Variants in WWOX observed in about 807,000 individuals in gnomAD.
The protein encoded by WWOX is WW domain-containing oxidoreductase.
WWOX carries 69 observed loss-of-function variants against 46.2 expected under a neutral mutation model. The ratio of observed to expected loss-of-function variants is 1.49; its 90% CI spans 1.23 to 1.82. The LOEUF (loss-of-function observed/expected upper bound fraction) is 1.82, where lower values mean the gene tolerates loss of function less well. Ranked by LOEUF, WWOX falls within the 40% of genes most tolerant of loss-of-function variation. The pLI is 0.00. For missense variants in WWOX, 919 were observed against 542.6 expected, an observed-to-expected ratio of 1.69 and a Z score of -6.89; for synonymous variants, 359 against 202.6, an observed-to-expected ratio of 1.77 and a Z score of -6.56.
At chr16:78,636,389 C>A (rs565990406) in intron 8 of WWOX, among the ~76,000 whole-genome samples, 1 of 152,258 alleles carries the variant, frequency 6.6e-6, no homozygotes, top group South Asian at 2.1e-4. Context: ...ATCAGACTTT[C>A]AGTGTTAAAG....
At chr16:78,949,412 C>G (rs567621930) in intron 8 of WWOX, among the ~76,000 whole-genome samples, 9 of 152,324 alleles carry the variant, frequency 5.9e-5, no homozygotes, top group African/African-American at 1.7e-4. Flanking sequence ...CTCAGCTCAT[C>G]TAGCATGTTT....
intron 8 of WWOX, among the ~76,000 whole-genome samples, chr16:79,148,643 A>G (rs9921687): frequency 0.026 from 4,019 of 152,260 alleles, 199 homozygotes; most frequent in African/African-American, 0.092. Flanking sequence ...TAGGTCTAAC[A>G]TTAAACCTAT....
chr16:79,120,322 C>T (rs746593509), intron 8 of WWOX, among the ~76,000 whole-genome samples: 6 of 152,158 alleles, frequency 3.9e-5, no homozygotes, highest in South Asian at 2.1e-4. Flanking sequence ...CTATTGCTGT[C>T]AGGCGCATTT....
At position 79,124,266 on chromosome 16, in the gene WWOX, G is replaced by A. The variant is rs139890034; in HGVS notation, c.1057-87342G>A. Among the ~76,000 whole-genome samples the A allele has an allele frequency of 1.9e-3, 295 of 152,176 alleles. 2 individuals are homozygous for A. Among genetic ancestry groups the A allele is most frequent in the African/African-American group, 6.8e-3 (283 of 41,508 alleles). On this transcript the variant is annotated intron_variant, in intron 8 of 8. Coordinates refer to ENST00000566780, the MANE Select transcript of WWOX (RefSeq NM_016373.4). ...ACTGGTCAAACGGTGCAGAGCGCTC[G>A]GCAAATGGTCTTAAAAGCATCCGCG...
At chr16:79,039,576 G>C (rs771268511) in intron 8 of WWOX, among the ~76,000 whole-genome samples, 1 of 152,186 alleles carries the variant, frequency 6.6e-6, no homozygotes, top group South Asian at 2.1e-4. Flanking sequence ...CATTGTCACT[G>C]TTGCCAGATG....
chr16:79,030,178 A>G (rs1029304555), intron 8 of WWOX, among the ~76,000 whole-genome samples: 1 of 152,188 alleles, frequency 6.6e-6, no homozygotes, highest in Non-Finnish European at 1.5e-5. Context: ...TATCATAGCC[A>G]TTGGTTAAAA....
intron 8 of WWOX, among the ~76,000 whole-genome samples, chr16:78,527,954 G>C (rs2043517634): frequency 1.4e-5 from 2 of 144,170 alleles, no homozygotes; most frequent in Admixed American, 1.4e-4. Context: ...ATTGTGCAAA[G>C]ATTCAAGGTG....
At chr16:78,837,495 CT>C (rs1168816434) in intron 8 of WWOX, among the ~76,000 whole-genome samples, 10 of 152,158 alleles carry the variant, frequency 6.6e-5, no homozygotes, top group African/African-American at 2.4e-4. Flanking sequence ...GTTCAAAGGC[CT>C]TTGACATCAC....
intron 8 of WWOX, among the ~76,000 whole-genome samples, chr16:78,588,962 G>C (rs1474080646): frequency 6.6e-6 from 1 of 152,156 alleles, no homozygotes; most frequent in African/African-American, 2.4e-5. Flanking sequence ...CTGTTTAGCA[G>C]CCACTCTCCA....
chr16:78,933,305 G>C (rs2045664273), intron 8 of WWOX, among the ~76,000 whole-genome samples: 1 of 152,176 alleles, frequency 6.6e-6, no homozygotes, highest in Non-Finnish European at 1.5e-5. Flanking sequence ...TGAGCATGGT[G>C]TCACATGCAT....
chr16:79,195,592 T>A (rs997457348), intron 8 of WWOX, among the ~76,000 whole-genome samples: 14 of 152,174 alleles, frequency 9.2e-5, no homozygotes, highest in African/African-American at 3.1e-4. Flanking sequence ...AAGCCATGCC[T>A]CTCTAACTTC....
chr16:78,694,009 G>A (rs544469573), intron 8 of WWOX, among the ~76,000 whole-genome samples: 1 of 152,204 alleles, frequency 6.6e-6, no homozygotes, highest in South Asian at 2.1e-4. Context: ...GAGGCAGGTG[G>A]ATCGGTTGAG....
chr16:78,418,182 A>C (rs1198343070), intron 6 of WWOX, among the ~76,000 whole-genome samples: 1 of 152,040 alleles, frequency 6.6e-6, no homozygotes, highest in African/African-American at 2.4e-5. Context: ...AACATGGTGA[A>C]ACCCCGTCTC....
At chr16:78,376,263 G>A (rs2081823196) in intron 5 of WWOX, among the ~76,000 whole-genome samples, 1 of 152,296 alleles carries the variant, frequency 6.6e-6, no homozygotes, top group Non-Finnish European at 1.5e-5. Flanking sequence ...TAAGTAAAAA[G>A]TTCACAAAGC....
At chr16:78,121,626 A>G (rs1321570292) in intron 4 of WWOX, among the ~76,000 whole-genome samples, 2 of 151,684 alleles carry the variant, frequency 1.3e-5, no homozygotes, top group Admixed American at 6.6e-5. Context: ...TAAATTTGTA[A>G]TCATGTATAC....
At chr16:79,187,977 A>G (rs1002682803) in intron 8 of WWOX, among the ~76,000 whole-genome samples, 4 of 152,098 alleles carry the variant, frequency 2.6e-5, no homozygotes, top group Admixed American at 1.3e-4. Context: ...CGAAATGTCC[A>G]CTCTCTCTCC....
chr16:78,520,717 T>C (rs2151497986), intron 8 of WWOX, among the ~76,000 whole-genome samples: 1 of 152,142 alleles, frequency 6.6e-6, no homozygotes, highest in East Asian at 1.9e-4. Context: ...AATCCCTGCA[T>C]TGGCCACCCC....
intron 5 of WWOX, among the ~76,000 whole-genome samples, chr16:78,239,578 A>G (rs1457824806): frequency 6.6e-6 from 1 of 152,088 alleles, no homozygotes; most frequent in Non-Finnish European, 1.5e-5. Context: ...TTTGTCATAC[A>G]GGCTGGAGTG....
chr16:78,912,006 C>T (rs1172231206), intron 8 of WWOX, among the ~76,000 whole-genome samples: 1 of 152,018 alleles, frequency 6.6e-6, no homozygotes, highest in East Asian at 1.9e-4. Flanking sequence ...CAGAAAAATA[C>T]ACAGTAGTCC....
Sources: allele counts gnomAD v4.1 joint callset (sites outside exome capture counted in the v4.1 genomes callset), GRCh38; gene constraint gnomAD v4.1.1; transcripts MANE v1.5; gene names NCBI Gene and HGNC (gene_info 2026-07-23, HGNC 2026-07-21).